DLGAP2: variants seen among roughly 807,000 people sequenced by gnomAD.
DLGAP2 encodes the protein DLG associated protein 2, also known as disks large-associated protein 2.
DLGAP2 carries 26 observed loss-of-function variants against 100.3 expected under a neutral mutation model. The observed-to-expected ratio is 0.26, with a 90% confidence interval of 0.19 to 0.36. The LOEUF is 0.36. Among genes scored for constraint, DLGAP2 ranks in the 10% least tolerant of loss-of-function variants. The pLI is 1.00. For synonymous variants in DLGAP2, 886 were observed against 630.1 expected (o/e 1.41, Z -6.08); for missense variants, 1,858 against 1,453.2 (o/e 1.28, Z -4.53).
chr8:1,479,446 C>T (rs1364237897), intron 3 of DLGAP2, among the ~76,000 whole-genome samples: 8 of 152,134 alleles, frequency 5.3e-5, no homozygotes, highest in Admixed American at 2.6e-4. Flanking sequence ...GAAAACACAG[C>T]GGCACATTTA....
intron 2 of DLGAP2, among the ~76,000 whole-genome samples, chr8:1,024,685 T>G (rs1253492218): frequency 6.6e-6 from 1 of 152,164 alleles, no homozygotes; most frequent in Non-Finnish European, 1.5e-5. Context: ...GCGGTGGGTT[T>G]GTTCTCTCTG....
At chr8:1,178,165 C>G (rs73534806) in intron 2 of DLGAP2, among the ~76,000 whole-genome samples, 1,905 of 152,290 alleles carry the variant, frequency 0.013, 39 homozygotes, top group African/African-American at 0.043. Flanking sequence ...TGCCTGAAGG[C>G]AGGGAAATGT....
chr8:745,906 A>C (rs552069726), intron 1 of DLGAP2, among the ~76,000 whole-genome samples: 1 of 152,312 alleles, frequency 6.6e-6, no homozygotes, highest in East Asian at 1.9e-4. Flanking sequence ...AGAAAGAGGA[A>C]CCCTAGAAGC....
chr8:1,185,979 G>A (rs768862123), intron 2 of DLGAP2, among the ~76,000 whole-genome samples: 1 of 152,166 alleles, frequency 6.6e-6, no homozygotes. Context: ...CCTCCAGGAA[G>A]TATTAACCAG....
chr8:1,151,486 G>A (rs1308338933), intron 2 of DLGAP2, among the ~76,000 whole-genome samples: 1 of 152,178 alleles, frequency 6.6e-6, no homozygotes, highest in Admixed American at 6.5e-5. Context: ...GAAGATGAAC[G>A]GGAGAGGAGG....
Position 1,701,112 on chromosome 8 carries a change from C to T in DLGAP2, c.2950-76C>T, listed in dbSNP as rs186521284. The T allele has an allele frequency of 1.8e-3, 2,479 of 1,405,814 alleles. 46 individuals are homozygous for T. In the African/African-American group the frequency reaches 0.032, roughly 18 times the overall value. 87.1% of individuals were successfully genotyped at this position (1,405,814 alleles called of 1,614,324 possible). A position where few individuals can be genotyped will look rare whatever the true frequency, so the allele number is the denominator to read the frequency against. On this transcript the variant is annotated intron_variant, in intron 14 of 14. Transcript: ENST00000637795. ...CGGTCGGGAAGGGTCAGGCCAGGCCCCAGGGCCGCTGAGCTCGCGAGCTGC... is the reference window on the plus strand; with the variant it reads ...CGGTCGGGAAGGGTCAGGCCAGGCCTCAGGGCCGCTGAGCTCGCGAGCTGC...
chr8:937,777 G>T (rs1442899882), intron 2 of DLGAP2, among the ~76,000 whole-genome samples: 1 of 152,148 alleles, frequency 6.6e-6, no homozygotes, highest in Admixed American at 6.5e-5. Context: ...GTGTCCTAAG[G>T]TGTATGTTCC....
chr8:1,670,330 C>T (rs559305518), intron 10 of DLGAP2, among the ~76,000 whole-genome samples: 1 of 152,242 alleles, frequency 6.6e-6, no homozygotes, highest in South Asian at 2.1e-4. Flanking sequence ...GCCAGGACCC[C>T]ACACCCCTCC....
At chr8:1,018,021 A>G (rs1029924868) in intron 2 of DLGAP2, among the ~76,000 whole-genome samples, 1 of 152,090 alleles carries the variant, frequency 6.6e-6, no homozygotes, top group Non-Finnish European at 1.5e-5. Flanking sequence ...CCTTTGTGGA[A>G]AGCGCTCACT....
Position 1,055,356 on chromosome 8 carries a change from A to C in DLGAP2, c.73+147390A>C, listed in dbSNP as rs915958420. ...GTTTTCCATTTCAAATCAGAGTCAC[A>C]GTGATTTGGAGTCATCCGTCCCCTG... On this transcript the variant is annotated intron_variant, in intron 2 of 14. Transcript: ENST00000637795. Among the ~76,000 whole-genome samples, 5 of 152,334 alleles carry C rather than the reference A, an allele frequency of 3.3e-5. No homozygotes were observed. In the East Asian group the frequency reaches 9.6e-4, roughly 29 times the overall value.
At chr8:1,013,202 G>A (rs141585145) in intron 2 of DLGAP2, among the ~76,000 whole-genome samples, 2 of 152,190 alleles carry the variant, frequency 1.3e-5, no homozygotes, top group African/African-American at 4.8e-5. Context: ...AGGGCTATGT[G>A]TATAGACTTT....
intron 2 of DLGAP2, among the ~76,000 whole-genome samples, chr8:1,073,648 G>C (rs1395207365): frequency 1.3e-5 from 2 of 152,208 alleles, no homozygotes; most frequent in East Asian, 3.9e-4. Flanking sequence ...GGGATGCAAA[G>C]CCCTGCACAG....
chr8:1,030,537 T>A lies in DLGAP2; in HGVS notation c.73+122571T>A, dbSNP rs566251331. Among the ~76,000 whole-genome samples, 15 of 152,118 alleles carry A rather than the reference T, an allele frequency of 9.9e-5. No homozygotes were observed. The South Asian group carries it at 3.1e-3, about 32-fold the overall frequency. On this transcript the variant is annotated intron_variant, in intron 2 of 14. Coordinates refer to ENST00000637795, the MANE Select transcript of DLGAP2 (RefSeq NM_001346810.2). ...TATTGCTCTAAATATTGGGAAGAGG[T>A]GTTAGTTTAAAAACATTTAACATAA...
At chr8:1,472,285 G>C (rs1016310992) in intron 3 of DLGAP2, among the ~76,000 whole-genome samples, 1 of 152,208 alleles carries the variant, frequency 6.6e-6, no homozygotes, top group African/African-American at 2.4e-5. Context: ...TGCAGGGCCG[G>C]AGCAGGAGAG....
At chr8:1,384,765 G>T (rs71497197) in intron 3 of DLGAP2, among the ~76,000 whole-genome samples, 43 of 23,514 alleles carry the variant, frequency 1.8e-3, no homozygotes, top group African/African-American at 2.2e-3. Flanking sequence ...CCTATGCCCG[G>T]CCCCTGAGAA....
At chr8:754,351 C>G (rs908514534) in intron 1 of DLGAP2, 1 of 152,230 alleles carries the variant, frequency 6.6e-6, no homozygotes, top group Non-Finnish European at 1.5e-5. Context: ...TGGGACAACT[C>G]TCTTCCTAAA....
chr8:1,556,168 G>A (rs73174707), intron 5 of DLGAP2, among the ~76,000 whole-genome samples: 8,620 of 152,272 alleles, frequency 0.057, 262 homozygotes, highest in Non-Finnish European at 0.069. Context: ...ATGCCATGAC[G>A]GCCACCGAGT....
intron 2 of DLGAP2, among the ~76,000 whole-genome samples, chr8:1,198,542 G>C (rs59557109): frequency 0.057 from 8,694 of 152,156 alleles, 725 homozygotes; most frequent in African/African-American, 0.18. Context: ...TGCGAGGAGG[G>C]CACTCATGAC....
chr8:945,043 A>C (rs536524192), intron 2 of DLGAP2, among the ~76,000 whole-genome samples: 1 of 152,240 alleles, frequency 6.6e-6, no homozygotes, highest in Non-Finnish European at 1.5e-5. Flanking sequence ...ATTCAAGAGC[A>C]AAGTTCTTTC....
Sources: allele counts gnomAD v4.1 joint callset (sites outside exome capture counted in the v4.1 genomes callset), GRCh38; gene constraint gnomAD v4.1.1; transcripts MANE v1.5; gene names NCBI Gene and HGNC (gene_info 2026-07-23, HGNC 2026-07-21).